MGRN1: variants seen among roughly 807,000 people sequenced by gnomAD.
MGRN1 encodes E3 ubiquitin-protein ligase MGRN1.
Under a neutral mutation model 69.2 loss-of-function variants are expected in MGRN1, and 29 were observed. The observed-to-expected ratio is 0.42, with a 90% CI of 0.31 to 0.57. The LOEUF (loss-of-function observed/expected upper bound fraction) is 0.57. Among genes scored for constraint, MGRN1 ranks in the 20% least tolerant of loss-of-function variants. The probability of loss-of-function intolerance (pLI) is 0.15; values close to 1 mark genes in which losing one functional copy is unlikely to be tolerated. For missense variants in MGRN1, 998 were observed against 796.2 expected (o/e 1.25, Z -3.05); for synonymous variants, 470 against 344.2 (o/e 1.37, Z -4.04).
Position 4,688,916 on chromosome 16 carries a change from G to A in MGRN1, c.*8G>A, listed in dbSNP as rs1244922791. On this transcript the variant is annotated 3_prime_UTR_variant, in exon 17 of 17. Transcript: ENST00000262370. ...GAGCTGACCCCACTCTGAGAGCCTG[G>A]CCGAGCTGGCAGCATGGAGCCCTCG... 3.3e-6 allele frequency: 5 copies of A among 1,535,930 alleles called. No individual in the cohort carries two copies. In the African/African-American group the frequency reaches 6.9e-5, roughly 21 times the overall value.
intron 5 of MGRN1, among the ~76,000 whole-genome samples, chr16:4,660,583 C>T (rs531541282): frequency 6.6e-6 from 1 of 152,340 alleles, no homozygotes; most frequent in Admixed American, 6.5e-5. Flanking sequence ...CAGGCCTGGG[C>T]AGAAGCGAAG....
intron 12 of MGRN1, chr16:4,681,313 C>A (rs1344404781): frequency 3.7e-6 from 2 of 543,230 alleles, no homozygotes; most frequent in South Asian, 2.5e-5. Flanking sequence ...TTGGCAGATG[C>A]CCTCGTGCCC....
At chr16:4,655,901 CTGAGGGTGGCG>C (rs1403259885) in intron 4 of MGRN1, among the ~76,000 whole-genome samples, 1 of 152,260 alleles carries the variant, frequency 6.6e-6, no homozygotes, top group Non-Finnish European at 1.5e-5. Context: ...TGGGGTCCAC[CTGAGGGTGGCG>C]TCTTAACTGT....
At chr16:4,643,403 A>ATTTTTT (rs34438924) in intron 1 of MGRN1, among the ~76,000 whole-genome samples, 2 of 109,838 alleles carry the variant, frequency 1.8e-5, no homozygotes, top group Non-Finnish European at 3.7e-5. Flanking sequence ...GCCTTGCTTG[A>ATTTTTT]TTTTTTTTTT....
At chr16:4,647,328 G>A (rs2078295508) in intron 1 of MGRN1, among the ~76,000 whole-genome samples, 1 of 152,222 alleles carries the variant, frequency 6.6e-6, no homozygotes, top group South Asian at 2.1e-4. Flanking sequence ...GGTGCCTTGT[G>A]GCCCCTGGCC....
chr16:4,629,191 T>TGTGTGTGTGA (rs777024460), intron 1 of MGRN1, among the ~76,000 whole-genome samples: 20 of 149,030 alleles, frequency 1.3e-4, no homozygotes, highest in Middle Eastern at 3.4e-3. Context: ...TGTGTGTGTG[T>TGTGTGTGTGA]GAAAAGTGTC....
chr16:4,687,608 C>CACACACACACACAT, intron 16 of MGRN1: 1 of 984,620 alleles, frequency 1.0e-6, no homozygotes, highest in South Asian at 4.7e-5. Flanking sequence ...CACACACACA[C>CACACACACACACAT]GGGGGAGAGA....
At chr16:4,641,559 C>T (rs560462169) in intron 1 of MGRN1, among the ~76,000 whole-genome samples, 4 of 150,538 alleles carry the variant, frequency 2.7e-5, no homozygotes, top group South Asian at 2.1e-4. Flanking sequence ...CTCTTGTTGC[C>T]CCAGGCTGGA....
At chr16:4,629,788 G>A (rs1252661973) in intron 1 of MGRN1, among the ~76,000 whole-genome samples, 2 of 151,194 alleles carry the variant, frequency 1.3e-5, no homozygotes, top group Admixed American at 6.6e-5. Flanking sequence ...GTTCATGCCT[G>A]TCATCTCAGC....
chr16:4,631,961 A>G (rs543908140), intron 1 of MGRN1, among the ~76,000 whole-genome samples: 2 of 109,322 alleles, frequency 1.8e-5, no homozygotes, highest in East Asian at 5.4e-4. Flanking sequence ...TTGCCAATCT[A>G]TTACTGATAT....
At chr16:4,637,624 G>T (rs924300802) in intron 1 of MGRN1, among the ~76,000 whole-genome samples, 3 of 152,204 alleles carry the variant, frequency 2.0e-5, no homozygotes, top group African/African-American at 7.2e-5. Context: ...CAGGGGAAAC[G>T]GACAAGTGGA....
chr16:4,683,170 G>A, intron 14 of MGRN1, 54 bp from the exon 15 acceptor site: 1 of 1,602,828 alleles, frequency 6.2e-7, no homozygotes, highest in Non-Finnish European at 8.5e-7. Context: ...GCTTGTCCTG[G>A]AGCGGTGGCC....
intron 11 of MGRN1, among the ~76,000 whole-genome samples, chr16:4,678,078 C>A (rs992063387): frequency 2.6e-5 from 4 of 152,190 alleles, no homozygotes; most frequent in Non-Finnish European, 2.9e-5. Context: ...AACTCTTGGG[C>A]TCAAGTGCTA....
At chr16:4,673,730 G>T in intron 10 of MGRN1, 73 bp downstream of exon 10, 8 of 1,553,428 alleles carry the variant, frequency 5.1e-6, no homozygotes, top group Non-Finnish European at 7.0e-6. Context: ...GTGGTCCTGG[G>T]ATAGGGGGCC....
Position 4,689,762 on chromosome 16 carries a change from C to G in MGRN1, c.*854C>G, listed in dbSNP as rs1373727494. On this transcript the variant is annotated 3_prime_UTR_variant, in exon 17 of 17. Coordinates refer to ENST00000262370, the MANE Select transcript of MGRN1 (RefSeq NM_015246.4). The stretch of plus-strand genomic sequence containing the variant: ...CATTGGAATGTCCCCTTGCAGTTCT[C>G]TTCTCTTTTTTTTTTTTTTTGAGAT... 7.2e-6 allele frequency: 1 copy of G among 138,788 alleles called. No homozygotes were observed. The highest frequency in any genetic ancestry group is 1.6e-5 in the Non-Finnish European group (1 of 64,056). The allele number at this position is 138,788 out of a possible 1,614,324, so 8.6% of individuals were successfully genotyped here.
intron 4 of MGRN1, among the ~76,000 whole-genome samples, chr16:4,655,185 C>T (rs1268911322): frequency 2.0e-5 from 3 of 152,134 alleles, no homozygotes; most frequent in South Asian, 2.1e-4. Flanking sequence ...GGGGCTGCCA[C>T]AGAGAGGGTG....
At chr16:4,687,803 G>C in intron 16 of MGRN1, 1 of 985,494 alleles carries the variant, frequency 1.0e-6, no homozygotes, top group Non-Finnish European at 1.2e-6. Context: ...GGGTGGACTT[G>C]AGCCGGGTCA....
intron 1 of MGRN1, among the ~76,000 whole-genome samples, chr16:4,636,062 C>G (rs959332545): frequency 4.6e-5 from 7 of 151,754 alleles, no homozygotes; most frequent in Non-Finnish European, 1.0e-4. Flanking sequence ...TCGGCCTCTG[C>G]AAGTGCTGGG....
chr16:4,654,916 C>G (rs973095782), intron 4 of MGRN1, among the ~76,000 whole-genome samples: 2 of 152,228 alleles, frequency 1.3e-5, no homozygotes, highest in African/African-American at 4.8e-5. Context: ...GTTCCTTTTT[C>G]TAGACTTTGT....
Sources: allele counts gnomAD v4.1 joint callset (sites outside exome capture counted in the v4.1 genomes callset), GRCh38; gene constraint gnomAD v4.1.1; transcripts MANE v1.5; gene names NCBI Gene and HGNC (gene_info 2026-07-23, HGNC 2026-07-21).